JAKMIP1: variants seen among roughly 807,000 people sequenced by gnomAD.
JAKMIP1 encodes the protein janus kinase and microtubule interacting protein 1.
JAKMIP1 carries 33 observed loss-of-function variants against 113.0 expected under a neutral mutation model. The observed-to-expected ratio is 0.29, with a 90% CI of 0.22 to 0.39. JAKMIP1 has a LOEUF of 0.39. JAKMIP1 is among the 10% of genes least tolerant of loss of function. The probability of loss-of-function intolerance (pLI) is 1.00; values close to 1 mark genes in which losing one functional copy is unlikely to be tolerated. For synonymous variants in JAKMIP1, 480 were observed against 459.9 expected, an observed-to-expected ratio of 1.04 and a Z score of -0.56; for missense variants, 813 against 1,080.5, an observed-to-expected ratio of 0.75 and a Z score of 3.47.
chr4:6,100,783 T>C (rs1175794180), intron 3 of JAKMIP1, among the ~76,000 whole-genome samples: 1 of 152,218 alleles, frequency 6.6e-6, no homozygotes, highest in Non-Finnish European at 1.5e-5. Flanking sequence ...TGAGAATTTA[T>C]ATCTAGTTGT....
intron 4 of JAKMIP1, among the ~76,000 whole-genome samples, 184 bp downstream of exon 4, chr4:6,085,236 C>T (rs1721127415): frequency 6.6e-6 from 1 of 152,202 alleles, no homozygotes; most frequent in Admixed American, 6.5e-5. Flanking sequence ...TTACAAAGGC[C>T]GCCACGCACC....
In JAKMIP1 at chr4:6,065,076, G is replaced by T. The variant is rs1717875659; in HGVS notation, c.1303-68C>A. 1.3e-6 allele frequency: 2 copies of T among 1,593,292 alleles called. No homozygotes were observed. Among genetic ancestry groups the T allele is most frequent in the Admixed American group, 3.3e-5 (2 of 59,922 alleles). On this transcript the variant is annotated intron_variant, in intron 8 of 20. Coordinates refer to ENST00000409021, the MANE Select transcript of JAKMIP1 (RefSeq NM_001099433.2). This position sits in a 1 kb window ranked among gnomAD's most constrained non-coding sequence, Gnocchi z 5.1. ...TGCCAGAGTCTACCAGTCCCTGGTCGTGGGCATGCCAGTGCAGGGGGGTGA... is the reference window on the plus strand; with the variant it reads ...TGCCAGAGTCTACCAGTCCCTGGTCTTGGGCATGCCAGTGCAGGGGGGTGA...
At chr4:6,035,146 T>G (rs908634826) in intron 19 of JAKMIP1, among the ~76,000 whole-genome samples, 1 of 152,106 alleles carries the variant, frequency 6.6e-6, no homozygotes, top group South Asian at 2.1e-4. Flanking sequence ...TTTCTCTCTC[T>G]CTCTGCCCGC....
intron 2 of JAKMIP1, among the ~76,000 whole-genome samples, chr4:6,109,077 T>A (rs1428404120): frequency 6.7e-6 from 1 of 149,696 alleles, no homozygotes; most frequent in Non-Finnish European, 1.5e-5. Flanking sequence ...GAGAAACTGC[T>A]GGGTCTAGCG....
rs994529853 is a variant in JAKMIP1 at position 6,188,162 on chromosome 4, T to C, written c.-148+12091A>G. Among the ~76,000 whole-genome samples the C allele has an allele frequency of 6.6e-6, 1 of 152,170 alleles. No individual in the cohort carries two copies. Among genetic ancestry groups the C allele is most frequent in the Non-Finnish European group, 1.5e-5 (1 of 68,016 alleles). On this transcript the variant is annotated intron_variant, in intron 1 of 20. Transcript: ENST00000409021. The surrounding 1 kb of genome is among the most constrained non-coding windows in gnomAD (Gnocchi z 5.8). ...AGTCTCTGAACACCATCTACAAAAA[T>C]GTCCACTACCAGCTTCCTGGGTTGG...
At position 6,059,759 on chromosome 4, in the gene JAKMIP1, G is replaced by A. The variant is rs1278149997; in HGVS notation, c.1644+665C>T. The stretch of plus-strand genomic sequence containing the variant: ...CACATGGAGCCAGGGAGACGTTCAG[G>A]TTATGTCACCACAGCAGCACTTCTG... On this transcript the variant is annotated intron_variant, in intron 11 of 20. Coordinates refer to ENST00000409021, the MANE Select transcript of JAKMIP1 (RefSeq NM_001099433.2). The surrounding 1 kb of genome is among the most constrained non-coding windows in gnomAD (Gnocchi z 4.8). Among the ~76,000 whole-genome samples the A allele has an allele frequency of 6.6e-6, 1 of 152,086 alleles. No individual in the cohort carries two copies. Among genetic ancestry groups the A allele is most frequent in the Non-Finnish European group, 1.5e-5 (1 of 68,014 alleles).
chr4:6,049,591 T>C lies in JAKMIP1; in HGVS notation c.1962+228A>G, dbSNP rs780282043. Among the ~76,000 whole-genome samples the C allele has an allele frequency of 5.8e-4, 88 of 151,960 alleles. No homozygotes were observed. The highest frequency in any genetic ancestry group is 6.8e-3 in the Middle Eastern group (2 of 294). On this transcript the variant is annotated intron_variant, in intron 15 of 20. Transcript: ENST00000409021. The surrounding 1 kb of genome is among the most constrained non-coding windows in gnomAD (Gnocchi z 7.0). ...GGGTAGGGATTCTGAGGCTTTCCCG[T>C]CCCCTCCTCACTCAACAGGCCAGGG...
chr4:6,183,478 C>CAATAAATAAATAAATAAATAAAA lies in JAKMIP1; in HGVS notation c.-148+16774_-148+16775insTTTTATTTATTTATTTATTTATT, dbSNP rs1553864669. ...TGGGTGACAGAGCAAGACTCTGTCT[C>CAATAAATAAATAAATAAATAAAA]AATAAATAAATAAATAAATAAATAA... On this transcript the variant is annotated intron_variant, in intron 1 of 20. Coordinates refer to ENST00000409021, the MANE Select transcript of JAKMIP1 (RefSeq NM_001099433.2). The surrounding 1 kb of genome is among the most constrained non-coding windows in gnomAD (Gnocchi z 5.3). Among the ~76,000 whole-genome samples, 9 of 126,672 alleles carry CAATAAATAAATAAATAAATAAAA rather than the reference C, an allele frequency of 7.1e-5. No homozygotes were observed. The highest frequency in any genetic ancestry group is 1.5e-4 in the Non-Finnish European group (9 of 60,864). 83.1% of individuals were successfully genotyped at this position (126,672 alleles called of 152,430 possible). A position where few individuals can be genotyped will look rare whatever the true frequency, so the allele number is the denominator to read the frequency against.
chr4:6,115,689 G>A (rs535894055), intron 1 of JAKMIP1, among the ~76,000 whole-genome samples: 17 of 152,314 alleles, frequency 1.1e-4, no homozygotes, highest in African/African-American at 4.1e-4. Context: ...CTTTTAAGAG[G>A]AAACAGTGCA....
At chr4:6,095,507 G>T (rs1252209135) in intron 3 of JAKMIP1, among the ~76,000 whole-genome samples, 1 of 152,220 alleles carries the variant, frequency 6.6e-6, no homozygotes, top group Non-Finnish European at 1.5e-5. Context: ...GCAAGACAGA[G>T]TCCTGTTTGC....
At chr4:6,198,036 C>T (rs1003965185) in intron 1 of JAKMIP1, among the ~76,000 whole-genome samples, 30 of 152,210 alleles carry the variant, frequency 2.0e-4, no homozygotes, top group African/African-American at 7.0e-4. Flanking sequence ...TGTGTGGTCA[C>T]CTCCCCAGGA....
intron 3 of JAKMIP1, among the ~76,000 whole-genome samples, chr4:6,101,966 T>C (rs923335054): frequency 6.6e-6 from 1 of 151,482 alleles, no homozygotes; most frequent in African/African-American, 2.4e-5. Flanking sequence ...AATCTGTAGA[T>C]CAATCATGGA....
Position 6,061,606 on chromosome 4 carries a change from GCAAGTTGCTCAGTT to G in JAKMIP1, c.1560+692_1560+705del, listed in dbSNP as rs1304264663. On this transcript the variant is annotated intron_variant, in intron 10 of 20. Coordinates refer to ENST00000409021, the MANE Select transcript of JAKMIP1 (RefSeq NM_001099433.2). This position sits in a 1 kb window ranked among gnomAD's most constrained non-coding sequence, Gnocchi z 5.3. ...TTCAGCATCATCTGGGTATTTGGGGGCAAGTTGCTCAGTTCTGAGCCTGTTTCCTCATTCGGAAG... is the reference window on the plus strand; with the variant it reads ...TTCAGCATCATCTGGGTATTTGGGGGCTGAGCCTGTTTCCTCATTCGGAAG... Among the ~76,000 whole-genome samples the G allele has an allele frequency of 4.6e-5, 7 of 151,948 alleles. No individual in the cohort carries two copies. Among genetic ancestry groups the G allele is most frequent in the Non-Finnish European group, 8.8e-5 (6 of 68,010 alleles).
At chr4:6,055,424 C>T (rs1055965533) in intron 12 of JAKMIP1, among the ~76,000 whole-genome samples, 1 of 152,222 alleles carries the variant, frequency 6.6e-6, no homozygotes, top group Non-Finnish European at 1.5e-5. Flanking sequence ...TAGAGCTACT[C>T]GCCAAGCAGA....
rs150623866 is a variant in JAKMIP1, at chr4:6,080,289, C to A, written c.1125G>T (p.Ala375=). 6.2e-7 allele frequency: 1 copy of A among 1,614,098 alleles called. No individual in the cohort carries two copies. The highest frequency in any genetic ancestry group is 8.5e-7 in the Non-Finnish European group (1 of 1,179,956). The change falls in exon 7 of 21, where the codon GCG becomes GCT. Residue 375 remains alanine (A), a synonymous_variant. Transcript: ENST00000409021. The surrounding 1 kb of genome is among the most constrained non-coding windows in gnomAD (Gnocchi z 6.0). ...TCAAGGAGGTATGCCGCTTCAGAGA[C>A]GCCTGCGCTGACAGCTTTTCTTTCT... ...VEMKEKLSAQ[A]SLKRHTSLND...
chr4:6,098,942 C>A (rs905371778), intron 3 of JAKMIP1, among the ~76,000 whole-genome samples: 1 of 152,188 alleles, frequency 6.6e-6, no homozygotes, highest in African/African-American at 2.4e-5. Flanking sequence ...AGCTTTTGTG[C>A]TCATCTTCTT....
At position 6,036,089 on chromosome 4, in the gene JAKMIP1, C is replaced by A; in HGVS notation, c.2194G>T (p.Ala732Ser). 6.4e-7 allele frequency: 1 copy of A among 1,553,278 alleles called. No individual in the cohort carries two copies. Among genetic ancestry groups the A allele is most frequent in the Non-Finnish European group, 8.7e-7 (1 of 1,147,166 alleles). Residue 732 changes from alanine to serine, a missense_variant, in exon 19 of 21, where the codon GCC (alanine) becomes TCC (serine). Physicochemically the swap from Ala to Ser is moderately conservative, Grantham distance 99. Coordinates refer to ENST00000409021, the MANE Select transcript of JAKMIP1 (RefSeq NM_001099433.2). ...QAYLKIQDLE[A>S]TLYTALQQEP... ...TGCTGCAGCGCTGTGTACAGTGTGGCCTCCAGGTCTTGGATTTTCTGAGGA... is the reference window on the plus strand; with the variant it reads ...TGCTGCAGCGCTGTGTACAGTGTGGACTCCAGGTCTTGGATTTTCTGAGGA...
Position 6,116,657 on chromosome 4 carries a change from G to A in JAKMIP1, c.-147-3660C>T, listed in dbSNP as rs565293398. ...TGTCCCCTGTCCCAGCCTCCAAGTCGTTTGTCTGTGCCTTGGCAGTGCCGG... is the reference window on the plus strand; with the variant it reads ...TGTCCCCTGTCCCAGCCTCCAAGTCATTTGTCTGTGCCTTGGCAGTGCCGG... On this transcript the variant is annotated intron_variant, in intron 1 of 20. Transcript: ENST00000409021. This position sits in a 1 kb window ranked among gnomAD's most constrained non-coding sequence, Gnocchi z 5.1. Among the ~76,000 whole-genome samples, 17 of 152,282 alleles carry A rather than the reference G, an allele frequency of 1.1e-4. No homozygotes were observed. Among genetic ancestry groups the A allele is most frequent in the African/African-American group, 3.1e-4 (13 of 41,560 alleles).
At position 6,192,082 on chromosome 4, in the gene JAKMIP1, G is replaced by A. The variant is rs1454492597; in HGVS notation, c.-148+8171C>T. On this transcript the variant is annotated intron_variant, in intron 1 of 20. Coordinates refer to ENST00000409021, the MANE Select transcript of JAKMIP1 (RefSeq NM_001099433.2). The surrounding 1 kb of genome is among the most constrained non-coding windows in gnomAD (Gnocchi z 5.0). ...CGAGTAGTTGGGATTACAGGCGTGTGCCACCATGCCCAGCTAATTTTTGTA... is the reference window on the plus strand; with the variant it reads ...CGAGTAGTTGGGATTACAGGCGTGTACCACCATGCCCAGCTAATTTTTGTA... Among the ~76,000 whole-genome samples, 2 of 152,068 alleles carry A rather than the reference G, an allele frequency of 1.3e-5. No individual in the cohort carries two copies. Among genetic ancestry groups the A allele is most frequent in the Non-Finnish European group, 2.9e-5 (2 of 68,022 alleles).
Sources: allele counts gnomAD v4.1 joint callset (sites outside exome capture counted in the v4.1 genomes callset), GRCh38; gene constraint gnomAD v4.1.1; non-coding constraint Gnocchi (gnomAD v3.1); transcripts MANE v1.5; gene names NCBI Gene and HGNC (gene_info 2026-07-23, HGNC 2026-07-21).